Variants in USP32 observed in about 807,000 individuals in gnomAD.
The protein encoded by USP32 is ubiquitin specific peptidase 32.
In USP32, 59 loss-of-function variants were observed where a neutral mutation model predicts 204.8. That is an observed-to-expected ratio of 0.29 (90% CI 0.23 to 0.36). The LOEUF (loss-of-function observed/expected upper bound fraction) is 0.36, where lower values mean the gene tolerates loss of function less well. USP32 is among the 10% of genes least tolerant of loss of function. The probability of loss-of-function intolerance (pLI) is 1.00; values close to 1 mark genes in which losing one functional copy is unlikely to be tolerated. For synonymous variants in USP32, 517 were observed against 678.4 expected (o/e 0.76, Z 3.70); for missense variants, 1,160 against 1,946.4 (o/e 0.60, Z 7.60).
intron 5 of USP32, among the ~76,000 whole-genome samples, chr17:60,286,836 C>T (rs1462689839): frequency 6.6e-6 from 1 of 152,168 alleles, no homozygotes; most frequent in Non-Finnish European, 1.5e-5. Flanking sequence ...TCAATGCTCA[C>T]CATCCTTCTT....
intron 3 of USP32, among the ~76,000 whole-genome samples, chr17:60,297,158 G>A (rs974993571): frequency 3.3e-5 from 5 of 152,156 alleles, no homozygotes; most frequent in Admixed American, 6.5e-5. Flanking sequence ...AGCACCTTGG[G>A]ATGCCAAGAC....
intron 1 of USP32, among the ~76,000 whole-genome samples, chr17:60,398,462 G>C (rs1006945325): frequency 1.3e-5 from 2 of 152,086 alleles, no homozygotes; most frequent in African/African-American, 4.8e-5. Context: ...TCTGGCCGGA[G>C]GGAAGCAAAG....
intron 3 of USP32, among the ~76,000 whole-genome samples, chr17:60,300,260 G>A (rs535689764): frequency 6.6e-6 from 1 of 152,274 alleles, no homozygotes; most frequent in African/African-American, 2.4e-5. Flanking sequence ...AATGCTTTTG[G>A]TAAGGCAGAT....
intron 11 of USP32, chr17:60,249,853 T>C: frequency 1.6e-6 from 1 of 624,102 alleles, no homozygotes. Context: ...TCACGATACT[T>C]TTTTTTTTTA....
At chr17:60,310,197 G>C (rs1451186901) in intron 2 of USP32, among the ~76,000 whole-genome samples, 2 of 152,164 alleles carry the variant, frequency 1.3e-5, no homozygotes, top group Non-Finnish European at 2.9e-5. Context: ...TTCCTCAAAA[G>C]ACTAAAAATA....
At chr17:60,231,686 G>A (rs745711350) in intron 12 of USP32, 6 of 449,552 alleles carry the variant, frequency 1.3e-5, no homozygotes, top group Admixed American at 2.3e-5. Context: ...CTAAAGTTAC[G>A]TGATAACTAA....
At chr17:60,297,774 C>A (rs982417877) in intron 3 of USP32, among the ~76,000 whole-genome samples, 3 of 152,110 alleles carry the variant, frequency 2.0e-5, no homozygotes, top group African/African-American at 7.2e-5. Flanking sequence ...CCGTGCCTGG[C>A]CATTTTTCTT....
intron 5 of USP32, among the ~76,000 whole-genome samples, chr17:60,274,787 G>A (rs1555606310): frequency 6.6e-6 from 1 of 152,036 alleles, no homozygotes; most frequent in Non-Finnish European, 1.5e-5. Flanking sequence ...GACCAGTTAA[G>A]TATCTATGTA....
chr17:60,250,909 T>C (rs1199460339), intron 11 of USP32, among the ~76,000 whole-genome samples: 1 of 151,652 alleles, frequency 6.6e-6, no homozygotes, highest in Non-Finnish European at 1.5e-5. Flanking sequence ...AACCATGCTG[T>C]TTTGCATATG....
rs1200360008 is a variant in USP32, at chr17:60,386,133, AC to A, written c.58+5748del. On this transcript the variant is annotated intron_variant, in intron 1 of 33. Transcript: ENST00000300896. ...GCCAATAATTAACTACATACCTCTAACTTCCAAGAGTTCTTTATTATTAAAT... is the reference window on the plus strand; with the variant it reads ...GCCAATAATTAACTACATACCTCTAATTCCAAGAGTTCTTTATTATTAAAT... 6.6e-5 allele frequency among the ~76,000 whole-genome samples: 10 copies of A among 152,248 alleles called. No homozygotes were observed. In the East Asian group the frequency reaches 1.9e-3, roughly 29 times the overall value.
At chr17:60,415,276 G>T (rs908114665) in intron 1 of USP32, among the ~76,000 whole-genome samples, 1 of 152,144 alleles carries the variant, frequency 6.6e-6, no homozygotes, top group Non-Finnish European at 1.5e-5. Context: ...TATCTTACTG[G>T]CCTTCTGTTT....
At chr17:60,242,505 G>A (rs1200332748) in intron 11 of USP32, among the ~76,000 whole-genome samples, 1 of 152,092 alleles carries the variant, frequency 6.6e-6, no homozygotes, top group African/African-American at 2.4e-5. Flanking sequence ...CCGCCTCCTG[G>A]GCTCAAGTGA....
chr17:60,386,910 C>T (rs1301396500), intron 1 of USP32, among the ~76,000 whole-genome samples: 2 of 152,216 alleles, frequency 1.3e-5, no homozygotes, highest in African/African-American at 2.4e-5. Context: ...TTTGTAATCA[C>T]TCAGGTGACT....
intron 1 of USP32, among the ~76,000 whole-genome samples, chr17:60,363,861 A>AGAAG (rs1202970534): frequency 6.6e-6 from 1 of 151,620 alleles, no homozygotes; most frequent in Non-Finnish European, 1.5e-5. Flanking sequence ...TGTTTTTGGG[A>AGAAG]GAAGGAAGGA....
At chr17:60,347,008 G>A (rs1010945574) in intron 1 of USP32, among the ~76,000 whole-genome samples, 26 of 151,982 alleles carry the variant, frequency 1.7e-4, no homozygotes, top group Admixed American at 3.3e-4. Flanking sequence ...GCAGGCAGAC[G>A]AGAAAAAAAC....
chr17:60,346,872 AG>A (rs2088799063), intron 1 of USP32, among the ~76,000 whole-genome samples: 2 of 152,278 alleles, frequency 1.3e-5, no homozygotes, highest in Non-Finnish European at 2.9e-5. Flanking sequence ...GTATCATAAA[AG>A]TATCTTACTA....
intron 1 of USP32, chr17:60,421,672 G>T: frequency 1.1e-6 from 1 of 895,666 alleles, no homozygotes; most frequent in Non-Finnish European, 1.3e-6. Flanking sequence ...CCGCGCCAGG[G>T]GCGAGGGTCC....
intron 2 of USP32, among the ~76,000 whole-genome samples, chr17:60,308,103 T>C (rs2087771344): frequency 6.6e-6 from 1 of 152,208 alleles, no homozygotes; most frequent in Admixed American, 6.5e-5. Context: ...GAGCTACTTC[T>C]ACCATTCAGT....
intron 9 of USP32, among the ~76,000 whole-genome samples, chr17:60,260,794 C>T (rs907434687): frequency 2.0e-5 from 3 of 151,912 alleles, no homozygotes. Flanking sequence ...ATAGAACACA[C>T]ACACAATACA....
Sources: gnomAD v4.1 joint callset for allele counts (sites outside exome capture counted in the v4.1 genomes callset) on GRCh38, gnomAD v4.1.1 for gene constraint, MANE v1.5 for transcripts, NCBI Gene and HGNC (gene_info 2026-07-23, HGNC 2026-07-21) for gene names.